NBEA: variants seen among roughly 807,000 people sequenced by gnomAD.
The protein encoded by NBEA is lysosomal-trafficking regulator 2.
In NBEA, 44 loss-of-function variants were observed where a neutral mutation model predicts 343.4. The observed-to-expected ratio is 0.13, with a 90% confidence interval of 0.10 to 0.16. The LOEUF is 0.16. Ranked by LOEUF, NBEA falls within the 10% of genes least tolerant of loss-of-function variation. The probability of loss-of-function intolerance (pLI) is 1.00; values close to 1 mark genes in which losing one functional copy is unlikely to be tolerated. For missense variants in NBEA, 2,555 were observed against 3,631.3 expected, an observed-to-expected ratio of 0.70 and a Z score of 7.62; for synonymous variants, 1,175 against 1,238.7, an observed-to-expected ratio of 0.95 and a Z score of 1.08.
intron 41 of NBEA, among the ~76,000 whole-genome samples, chr13:35,478,041 T>G (rs1487310314): frequency 6.6e-6 from 1 of 152,168 alleles, no homozygotes; most frequent in Non-Finnish European, 1.5e-5. Flanking sequence ...ATTAAGAATA[T>G]TTCCCGTCAA....
intron 34 of NBEA, among the ~76,000 whole-genome samples, chr13:35,260,501 G>T (rs1267353501): frequency 2.6e-5 from 4 of 152,166 alleles, no homozygotes; most frequent in Non-Finnish European, 5.9e-5. Flanking sequence ...TTGCCTGGAG[G>T]CACTTTCTGG....
intron 38 of NBEA, among the ~76,000 whole-genome samples, chr13:35,378,169 A>G (rs2041842361): frequency 6.6e-6 from 1 of 152,214 alleles, no homozygotes; most frequent in Non-Finnish European, 1.5e-5. Context: ...CCATAGAAAT[A>G]AAGTCTGTTT....
chr13:35,309,116 T>C (rs915014347), intron 35 of NBEA, among the ~76,000 whole-genome samples: 15 of 152,226 alleles, frequency 9.9e-5, no homozygotes, highest in African/African-American at 3.6e-4. Flanking sequence ...TAAGAGTTTA[T>C]ATTTCTAGTA....
intron 38 of NBEA, among the ~76,000 whole-genome samples, chr13:35,381,643 A>G (rs1477990507): frequency 6.6e-6 from 1 of 152,086 alleles, no homozygotes; most frequent in East Asian, 1.9e-4. Context: ...TCCAAATTCA[A>G]TCAAGGAGGA....
At chr13:35,093,121 G>A (rs2065168896) in intron 10 of NBEA, among the ~76,000 whole-genome samples, 1 of 151,958 alleles carries the variant, frequency 6.6e-6, no homozygotes, top group Non-Finnish European at 1.5e-5. Flanking sequence ...TCACATTCTT[G>A]AAAAGTAAAA....
chr13:35,160,049 G>T lies in NBEA; in HGVS notation c.3861+17G>T. ...ACGACACAAGTAAGCTACCTTATAT[G>T]AGTTCTAGAAATAAATAAAAATGCA... On this transcript the variant is annotated intron_variant, in intron 22 of 58. Coordinates refer to ENST00000379939, the MANE Select transcript of NBEA (RefSeq NM_001385012.1). The T allele has an allele frequency of 6.6e-7, 1 of 1,522,366 alleles. No individual in the cohort carries two copies. The highest frequency in any genetic ancestry group is 1.3e-5 in the South Asian group (1 of 75,294). The allele number at this position is 1,522,366 out of a possible 1,614,324, so 94.3% of individuals were successfully genotyped here. A position where few individuals can be genotyped will look rare whatever the true frequency, so the allele number is the denominator to read the frequency against.
intron 6 of NBEA, 147 bp downstream of exon 6, chr13:35,050,542 TTTA>T: frequency 1.1e-6 from 1 of 908,942 alleles, no homozygotes; most frequent in Non-Finnish European, 1.6e-6. Flanking sequence ...CCTTTTTACT[TTTA>T]TGTCTAATTT....
At chr13:35,413,637 C>T (rs116385582) in intron 38 of NBEA, among the ~76,000 whole-genome samples, 2,473 of 152,072 alleles carry the variant, frequency 0.016, 73 homozygotes, top group African/African-American at 0.057. Flanking sequence ...AAAATAACAC[C>T]AAGTTCCAGC....
chr13:35,576,027 C>T (rs1028356436), intron 45 of NBEA, among the ~76,000 whole-genome samples: 1 of 152,008 alleles, frequency 6.6e-6, no homozygotes, highest in African/African-American at 2.4e-5. Flanking sequence ...CTCGTGTTGT[C>T]ATTTAACTCG....
intron 38 of NBEA, among the ~76,000 whole-genome samples, chr13:35,365,084 A>G (rs188850152): frequency 1.3e-5 from 2 of 151,882 alleles, no homozygotes; most frequent in East Asian, 3.9e-4. Flanking sequence ...CATGAAGGAA[A>G]TTAGGCAGAA....
intron 45 of NBEA, among the ~76,000 whole-genome samples, chr13:35,570,078 G>A (rs2080328009): frequency 6.6e-6 from 1 of 152,208 alleles, no homozygotes; most frequent in South Asian, 2.1e-4. Flanking sequence ...CTGTCGCCCA[G>A]GCTGGAGTGC....
intron 38 of NBEA, among the ~76,000 whole-genome samples, chr13:35,357,484 G>T (rs2040556053): frequency 1.3e-5 from 2 of 151,838 alleles, no homozygotes; most frequent in South Asian, 4.1e-4. Flanking sequence ...AGTGTGTGTT[G>T]TTCCCCTCTA....
intron 7 of NBEA, 83 bp downstream of exon 7, chr13:35,056,212 G>C: frequency 8.6e-7 from 1 of 1,159,072 alleles, no homozygotes; most frequent in Admixed American, 3.8e-5. Context: ...TAATAAAATA[G>C]TTTGGTAGAA....
chr13:35,117,552 C>T, intron 14 of NBEA, 59 bp downstream of exon 14: 1 of 851,112 alleles, frequency 1.2e-6, no homozygotes, highest in Non-Finnish European at 1.6e-6. Flanking sequence ...GAATTTCTGG[C>T]ATGTTTTAAA....
chr13:35,156,735 A>G (rs992584953), intron 20 of NBEA, among the ~76,000 whole-genome samples: 1 of 152,192 alleles, frequency 6.6e-6, no homozygotes, highest in Non-Finnish European at 1.5e-5. Flanking sequence ...GTCTTAGTAC[A>G]CAGTCTCAGT....
At chr13:35,213,247 CTT>C (rs1233390236) in intron 33 of NBEA, among the ~76,000 whole-genome samples, 2 of 152,030 alleles carry the variant, frequency 1.3e-5, no homozygotes, top group African/African-American at 4.8e-5. Context: ...TGTTCTGTCA[CTT>C]TTGTCACAAA....
chr13:35,546,573 G>A (rs1296556329), intron 41 of NBEA, among the ~76,000 whole-genome samples: 1 of 148,212 alleles, frequency 6.7e-6, no homozygotes, highest in Non-Finnish European at 1.5e-5. Flanking sequence ...TTTTTTTTGA[G>A]ACGGAATCTT....
intron 13 of NBEA, among the ~76,000 whole-genome samples, chr13:35,115,948 A>G (rs1487914532): frequency 1.3e-5 from 2 of 152,184 alleles, no homozygotes; most frequent in South Asian, 2.1e-4. Flanking sequence ...ATTAATTGGT[A>G]GCAGAAATAG....
chr13:35,201,791 A>G (rs1212867889), intron 31 of NBEA, among the ~76,000 whole-genome samples: 3 of 152,068 alleles, frequency 2.0e-5, no homozygotes, highest in Non-Finnish European at 4.4e-5. Context: ...AGCTTGGCTA[A>G]AAGATTTGAA....
Sources: gnomAD v4.1 joint callset for allele counts (sites outside exome capture counted in the v4.1 genomes callset) on GRCh38, gnomAD v4.1.1 for gene constraint, MANE v1.5 for transcripts, NCBI Gene and HGNC (gene_info 2026-07-23, HGNC 2026-07-21) for gene names.